PDLIM4: variants seen among roughly 807,000 people sequenced by gnomAD.
PDLIM4 encodes PDZ and LIM domain protein 4.
A neutral mutation model predicts 31.3 loss-of-function variants in PDLIM4; 19 were observed. The observed-to-expected ratio is 0.61, with a 90% CI of 0.42 to 0.89. The LOEUF (loss-of-function observed/expected upper bound fraction) is 0.89, where lower values mean the gene tolerates loss of function less well. Ranked by LOEUF, PDLIM4 falls within the 40% of genes least tolerant of loss-of-function variation. The pLI is 0.00. For missense variants in PDLIM4, 442 were observed against 461.1 expected (o/e 0.96, Z 0.38); for synonymous variants, 176 against 190.1 (o/e 0.93, Z 0.61).
At chr5:132,271,221 CAT>C (rs1756602527) in intron 4 of PDLIM4, 80 bp from the exon 5 acceptor site, 3 of 1,507,814 alleles carry the variant, frequency 2.0e-6, no homozygotes, top group Non-Finnish European at 1.8e-6. Flanking sequence ...CATTCTGACT[CAT>C]AAGCCTTACC....
chr5:132,271,930 C>G (rs1225236083), intron 6 of PDLIM4, 22 bp downstream of exon 6: 1 of 1,590,812 alleles, frequency 6.3e-7, no homozygotes, highest in African/African-American at 1.3e-5. Context: ...CCCCCGCTGC[C>G]CCTCCCGGAC....
At chr5:132,271,671 G>A (rs745973604) in intron 5 of PDLIM4, 120 bp from the exon 6 acceptor site, 15 of 948,058 alleles carry the variant, frequency 1.6e-5, no homozygotes, top group East Asian at 1.2e-4. Context: ...CCCCACGCCC[G>A]CCAAACCCGT....
chr5:132,263,507 G>C (rs181810235), intron 2 of PDLIM4, among the ~76,000 whole-genome samples: 2 of 152,236 alleles, frequency 1.3e-5, no homozygotes, highest in Admixed American at 6.5e-5. Context: ...AGGTCCACTG[G>C]GGGTGGGGGT....
rs183147794 is a variant in PDLIM4 at position 132,265,248 on chromosome 5, T to C, written c.246-1216T>C. 4.8e-4 allele frequency among the ~76,000 whole-genome samples: 73 copies of C among 152,344 alleles called. 1 individual carries two copies. The highest frequency in any genetic ancestry group is 1.7e-3 in the African/African-American group (70 of 41,584). ...GGGCCACATTAATGGCTCTGGGTAC[T>C]TTGTGCCCTTCGACCTTAGACGTCA... On this transcript the variant is annotated intron_variant, in intron 2 of 6. Transcript: ENST00000253754.
rs1180091634 is a variant in PDLIM4 at position 132,272,180 on chromosome 5, G to T, written c.944G>T (p.Gly315Val). Residue 315 changes from glycine to valine, a missense_variant, in exon 7 of 7, where the codon GGC becomes GTC. Transcript: ENST00000253754. ...HAKARVKPPE[G>V]YDVVAVYPNA... ...AAGGCGCGCGTGAAGCCGCCCGAGGGCTACGACGTGGTGGCGGTGTACCCC... is the reference window on the plus strand; with the variant it reads ...AAGGCGCGCGTGAAGCCGCCCGAGGTCTACGACGTGGTGGCGGTGTACCCC... The T allele has an allele frequency of 6.2e-7, 1 of 1,614,114 alleles. No homozygotes were observed. The highest frequency in any genetic ancestry group is 8.5e-7 in the Non-Finnish European group (1 of 1,180,054).
rs1249494696 is a variant in PDLIM4 at position 132,271,066 on chromosome 5, G to A, written c.479G>A (p.Ser160Asn). The change falls in exon 4 of 7, where the codon AGC (serine) becomes AAC (asparagine). Residue 160 changes from serine to asparagine, a missense_variant. Physicochemically the swap from Ser to Asn is conservative, Grantham distance 46. Transcript: ENST00000253754. The stretch of plus-strand genomic sequence containing the variant: ...GAGGCCACCCTGCCAGCCCAGATGA[G>A]CACCCTGCATGTGTCTCCACCCCCC... ...SSEATLPAQM[S>N]TLHVSPPPSA... 9 of 1,614,070 alleles carry A rather than the reference G, an allele frequency of 5.6e-6. No individual in the cohort carries two copies. In the Middle Eastern group the frequency reaches 6.6e-4, roughly 118 times the overall value.
At chr5:132,265,454 G>C (rs564419247) in intron 2 of PDLIM4, among the ~76,000 whole-genome samples, 28 of 152,358 alleles carry the variant, frequency 1.8e-4, no homozygotes, top group Non-Finnish European at 3.1e-4. Flanking sequence ...TATGGGGCTG[G>C]TGTTGCCCTG....
At chr5:132,264,714 C>A (rs1373347617) in intron 2 of PDLIM4, among the ~76,000 whole-genome samples, 1 of 152,144 alleles carries the variant, frequency 6.6e-6, no homozygotes, top group Non-Finnish European at 1.5e-5. Flanking sequence ...ATCTTGCCTG[C>A]TATGCCAGGA....
Position 132,272,483 on chromosome 5 carries a change from G to A in PDLIM4, c.*254G>A, listed in dbSNP as rs1756650967. The A allele has an allele frequency of 7.3e-6, 4 of 546,414 alleles. No homozygotes were observed. The highest frequency in any genetic ancestry group is 6.1e-5 in the South Asian group (3 of 49,416). The allele number at this position is 546,414 out of a possible 1,614,324, so 33.8% of individuals were successfully genotyped here. A position where few individuals can be genotyped will look rare whatever the true frequency, so the allele number is the denominator to read the frequency against. Reference sequence around the variant, plus strand: ...TGCCCTGAAGGGGGCCACAGCCTGGGTGGAAGGCAGACCTGAATCACAACG... The same window carrying A: ...TGCCCTGAAGGGGGCCACAGCCTGGATGGAAGGCAGACCTGAATCACAACG... On this transcript the variant is annotated 3_prime_UTR_variant, in exon 7 of 7. Coordinates refer to ENST00000253754, the MANE Select transcript of PDLIM4 (RefSeq NM_003687.4).
At chr5:132,259,307 G>A (rs915901855) in intron 1 of PDLIM4, among the ~76,000 whole-genome samples, 3 of 152,150 alleles carry the variant, frequency 2.0e-5, no homozygotes, top group African/African-American at 7.2e-5. Context: ...GGCTGCAGGC[G>A]GCAGGGAGCT....
chr5:132,257,876 G>A lies in PDLIM4; in HGVS notation c.93+49G>A, dbSNP rs1255446729. Reference sequence around the variant, plus strand: ...GCAGGGCGGTCCCATGTCTGAGACCGGGTTCTCGCGGTCCGCCCGGGACCC... The same window carrying A: ...GCAGGGCGGTCCCATGTCTGAGACCAGGTTCTCGCGGTCCGCCCGGGACCC... On this transcript the variant is annotated intron_variant, in intron 1 of 6. Transcript: ENST00000253754. The surrounding 1 kb of genome is among the most constrained non-coding windows in gnomAD (Gnocchi z 4.3). The A allele has an allele frequency of 7.2e-6, 8 of 1,110,116 alleles. No homozygotes were observed. In the African/African-American group the frequency reaches 9.8e-5, roughly 14 times the overall value. The allele number at this position is 1,110,116 out of a possible 1,614,324, so 68.8% of individuals were successfully genotyped here.
chr5:132,271,813 C>T lies in PDLIM4; in HGVS notation c.693C>T (p.Gly231=). ...CAGGGGATTGGCCCGGGCCTGGCGG[C>T]CCCCGGAACCTCAAGCCCACGGCCA... ...GEGGDWPGPG[G]PRNLKPTASK... Residue 231 remains glycine, a synonymous_variant, in exon 6 of 7, where the codon GGC becomes GGT. Transcript: ENST00000253754. 4 of 1,610,590 alleles carry T rather than the reference C, an allele frequency of 2.5e-6. No homozygotes were observed. The highest frequency in any genetic ancestry group is 1.7e-4 in the Middle Eastern group (1 of 6,060).
intron 1 of PDLIM4, among the ~76,000 whole-genome samples, chr5:132,258,073 C>G (rs893160627): frequency 6.6e-6 from 1 of 152,218 alleles, no homozygotes; most frequent in Non-Finnish European, 1.5e-5. Flanking sequence ...CCCGCCTCCC[C>G]GCTGGCCTCA....
chr5:132,263,651 C>T (rs879563949), intron 2 of PDLIM4, among the ~76,000 whole-genome samples: 1 of 152,352 alleles, frequency 6.6e-6, no homozygotes, highest in East Asian at 1.9e-4. Context: ...AACTTATCAG[C>T]TCTGCCGTGT....
chr5:132,259,014 C>T (rs1756309680), intron 1 of PDLIM4, among the ~76,000 whole-genome samples: 1 of 152,196 alleles, frequency 6.6e-6, no homozygotes, highest in Non-Finnish European at 1.5e-5. Context: ...GGGTGACAGG[C>T]AGGCCCAGCT....
intron 2 of PDLIM4, among the ~76,000 whole-genome samples, chr5:132,266,172 G>A (rs558241353): frequency 5.3e-5 from 8 of 152,340 alleles, no homozygotes; most frequent in Admixed American, 1.3e-4. Context: ...CACGAAGAGG[G>A]TGGAAGATTA....
At position 132,257,837 on chromosome 5, in the gene PDLIM4, G is replaced by A; in HGVS notation, c.93+10G>A. 1 of 1,451,092 alleles carries A rather than the reference G, an allele frequency of 6.9e-7. No individual in the cohort carries two copies. Among genetic ancestry groups the A allele is most frequent in the Non-Finnish European group, 9.1e-7 (1 of 1,094,340 alleles). The allele number at this position is 1,451,092 out of a possible 1,614,324, so 89.9% of individuals were successfully genotyped here. A position where few individuals can be genotyped will look rare whatever the true frequency, so the allele number is the denominator to read the frequency against. On this transcript the variant is annotated intron_variant, in intron 1 of 6. Transcript: ENST00000253754. This position sits in a 1 kb window ranked among gnomAD's most constrained non-coding sequence, Gnocchi z 4.3. Reference sequence around the variant, plus strand: ...CCTCACCATCTCACGGGTGAGTCTGGCGGCTGCGTGGCGGCAGGGCGGTCC... The same window carrying A: ...CCTCACCATCTCACGGGTGAGTCTGACGGCTGCGTGGCGGCAGGGCGGTCC...
intron 1 of PDLIM4, among the ~76,000 whole-genome samples, chr5:132,262,356 A>T (rs1053759890): frequency 6.6e-6 from 1 of 152,174 alleles, no homozygotes; most frequent in African/African-American, 2.4e-5. Context: ...CATTTGTCCC[A>T]GCCCTGAGGA....
intron 1 of PDLIM4, among the ~76,000 whole-genome samples, chr5:132,262,112 A>C (rs558750568): frequency 6.6e-6 from 1 of 152,230 alleles, no homozygotes; most frequent in East Asian, 1.9e-4. Flanking sequence ...GTCTGGACAG[A>C]GTGTGGGTGT....
Sources: allele counts gnomAD v4.1 joint callset (sites outside exome capture counted in the v4.1 genomes callset), GRCh38; gene constraint gnomAD v4.1.1; non-coding constraint Gnocchi (gnomAD v3.1); transcripts MANE v1.5; gene names NCBI Gene and HGNC (gene_info 2026-07-23, HGNC 2026-07-21).